The following ADGRL3 variants were observed in gnomAD, a reference collection of about 807,000 sequenced individuals.
The protein encoded by ADGRL3 is calcium-independent alpha-latrotoxin receptor 3.
A neutral mutation model predicts 153.5 loss-of-function variants in ADGRL3; 62 were observed. The observed-to-expected ratio is 0.40, with a 90% CI of 0.33 to 0.50. ADGRL3 has a LOEUF of 0.50. ADGRL3 is among the 20% of genes least tolerant of loss of function. The probability of loss-of-function intolerance (pLI) is 0.47; values close to 1 mark genes in which losing one functional copy is unlikely to be tolerated. For missense variants in ADGRL3, 1,641 were observed against 1,859.4 expected, an observed-to-expected ratio of 0.88 and a Z score of 2.16; for synonymous variants, 710 against 672.5, an observed-to-expected ratio of 1.06 and a Z score of -0.86.
At chr4:61,296,307 A>T (rs1367448328) in intron 1 of ADGRL3, among the ~76,000 whole-genome samples, 1 of 144,344 alleles carries the variant, frequency 6.9e-6, no homozygotes, top group East Asian at 2.2e-4. Context: ...GAAATGAAAC[A>T]GAAGGCTGAG....
intron 8 of ADGRL3, among the ~76,000 whole-genome samples, chr4:61,747,903 A>G (rs1272423026): frequency 6.6e-6 from 1 of 152,130 alleles, no homozygotes; most frequent in Admixed American, 6.6e-5. Flanking sequence ...AATTAGGAAA[A>G]GAGGAAGTGA....
At chr4:62,004,485 G>A (rs1046496789) in intron 21 of ADGRL3, among the ~76,000 whole-genome samples, 4 of 151,814 alleles carry the variant, frequency 2.6e-5, no homozygotes, top group Admixed American at 6.6e-5. Context: ...CTGATATACC[G>A]ATTTTTATTT....
chr4:61,602,174 C>T, intron 5 of ADGRL3, among the ~76,000 whole-genome samples: 1 of 151,598 alleles, frequency 6.6e-6, no homozygotes, highest in East Asian at 1.9e-4. Context: ...TGTAATAACC[C>T]CATCAAGGTT....
At chr4:61,778,404 A>G (rs1009121508) in intron 8 of ADGRL3, among the ~76,000 whole-genome samples, 3 of 152,216 alleles carry the variant, frequency 2.0e-5, no homozygotes, top group African/African-American at 7.2e-5. Flanking sequence ...AGTTGTTTGT[A>G]AGGACAAACG....
chr4:61,451,286 C>T (rs965427285), intron 2 of ADGRL3, among the ~76,000 whole-genome samples: 2 of 152,034 alleles, frequency 1.3e-5, no homozygotes, highest in African/African-American at 4.8e-5. Flanking sequence ...ATTTATACCA[C>T]ATAACTGATA....
At position 61,653,151 on chromosome 4, in the gene ADGRL3, GTCTC is replaced by G. The variant is rs58848073; in HGVS notation, c.474-23658_474-23655del. On this transcript the variant is annotated intron_variant, in intron 5 of 26. Coordinates refer to ENST00000683033, the MANE Select transcript of ADGRL3 (RefSeq NM_001387552.1). Reference sequence around the variant, plus strand: ...AAAGCCTCTCTCTCTCTCTCTCTCTGTCTCTCTCTCTCTCTCTCTCACACACACA... The same window carrying G: ...AAAGCCTCTCTCTCTCTCTCTCTCTGTCTCTCTCTCTCTCTCACACACACA... Among the ~76,000 whole-genome samples the G allele has an allele frequency of 2.2e-3, 300 of 134,130 alleles. 3 individuals are homozygous for G. In the Middle Eastern group the frequency reaches 0.034, roughly 15 times the overall value. 88.0% of individuals were successfully genotyped at this position (134,130 alleles called of 152,430 possible). A position where few individuals can be genotyped will look rare whatever the true frequency, so the allele number is the denominator to read the frequency against.
At chr4:61,374,864 A>C (rs183561299) in intron 1 of ADGRL3, among the ~76,000 whole-genome samples, 1 of 151,710 alleles carries the variant, frequency 6.6e-6, no homozygotes, top group Non-Finnish European at 1.5e-5. Context: ...GTTAGAATAC[A>C]TTTATTGATT....
At chr4:61,459,673 A>C (rs925587062) in intron 2 of ADGRL3, among the ~76,000 whole-genome samples, 3 of 152,092 alleles carry the variant, frequency 2.0e-5, no homozygotes, top group African/African-American at 4.8e-5. Context: ...ATTTCCACTA[A>C]CAGTGTATGA....
At chr4:61,626,574 G>A (rs2092843811) in intron 5 of ADGRL3, among the ~76,000 whole-genome samples, 1 of 151,882 alleles carries the variant, frequency 6.6e-6, no homozygotes, top group Non-Finnish European at 1.5e-5. Flanking sequence ...TAAGCCCAAG[G>A]ATATGTTTCC....
intron 5 of ADGRL3, among the ~76,000 whole-genome samples, chr4:61,639,603 G>C (rs2093578468): frequency 1.3e-5 from 2 of 151,978 alleles, no homozygotes; most frequent in South Asian, 4.1e-4. Context: ...GATTCATTAG[G>C]GGAAGTTATT....
At chr4:61,635,564 C>T (rs1222962012) in intron 5 of ADGRL3, among the ~76,000 whole-genome samples, 1 of 151,906 alleles carries the variant, frequency 6.6e-6, no homozygotes, top group Non-Finnish European at 1.5e-5. Flanking sequence ...CACTGAGACT[C>T]TTAAGTCCTG....
At chr4:61,341,189 A>G (rs566480434) in intron 1 of ADGRL3, among the ~76,000 whole-genome samples, 1 of 152,032 alleles carries the variant, frequency 6.6e-6, no homozygotes, top group African/African-American at 2.4e-5. Flanking sequence ...TTATTGCAAA[A>G]CCATTCATTA....
chr4:61,716,623 C>T (rs989908440), intron 6 of ADGRL3, among the ~76,000 whole-genome samples: 1 of 151,990 alleles, frequency 6.6e-6, no homozygotes, highest in Non-Finnish European at 1.5e-5. Context: ...GTGACAGGAC[C>T]AATAATATGT....
intron 2 of ADGRL3, among the ~76,000 whole-genome samples, chr4:61,483,141 T>G (rs1440031994): frequency 6.6e-6 from 1 of 152,158 alleles, no homozygotes; most frequent in African/African-American, 2.4e-5. Flanking sequence ...CTTTTTCAAG[T>G]GCTGTTCTTT....
chr4:61,844,652 T>C (rs11724834), intron 9 of ADGRL3, among the ~76,000 whole-genome samples: 25,219 of 138,840 alleles, frequency 0.18, 2,812 homozygotes, highest in African/African-American at 0.31. Flanking sequence ...CGAATAATCG[T>C]AATAACCTCA....
intron 8 of ADGRL3, among the ~76,000 whole-genome samples, chr4:61,785,653 C>G (rs992856841): frequency 6.6e-6 from 1 of 152,140 alleles, no homozygotes; most frequent in Non-Finnish European, 1.5e-5. Flanking sequence ...TTTTCTTAGT[C>G]TCTCTCTTTC....
At chr4:62,034,484 G>T (rs925451528) in intron 23 of ADGRL3, among the ~76,000 whole-genome samples, 10 of 151,484 alleles carry the variant, frequency 6.6e-5, no homozygotes, top group Admixed American at 3.3e-4. Flanking sequence ...CAAGAATATG[G>T]GCCAACATCA....
At chr4:61,855,380 G>C (rs2098251209) in intron 9 of ADGRL3, among the ~76,000 whole-genome samples, 1 of 152,066 alleles carries the variant, frequency 6.6e-6, no homozygotes, top group South Asian at 2.1e-4. Context: ...TTATATTGAA[G>C]ACTATTTTCT....
chr4:62,044,630 T>A (rs1426217628), intron 25 of ADGRL3, 81 bp downstream of exon 25: 3 of 900,912 alleles, frequency 3.3e-6, no homozygotes, highest in Non-Finnish European at 5.2e-6. Flanking sequence ...TATTTGCAAC[T>A]TCTGAACCTG....
Sources: gnomAD v4.1 joint callset for allele counts (sites outside exome capture counted in the v4.1 genomes callset) on GRCh38, gnomAD v4.1.1 for gene constraint, MANE v1.5 for transcripts, NCBI Gene and HGNC (gene_info 2026-07-23, HGNC 2026-07-21) for gene names.